Variants in THSD7B observed in about 807,000 individuals in gnomAD.
THSD7B encodes the protein thrombospondin type 1 domain containing 7B.
In THSD7B, 138 loss-of-function variants were observed where a neutral mutation model predicts 213.6. That is an observed-to-expected ratio of 0.65 (90% CI 0.56 to 0.74). THSD7B has a LOEUF of 0.74. THSD7B is among the 30% of genes least tolerant of loss of function. The probability of loss-of-function intolerance (pLI) is 0.00; values close to 1 mark genes in which losing one functional copy is unlikely to be tolerated. For synonymous variants in THSD7B, 742 were observed against 687.0 expected (o/e 1.08, Z -1.25); for missense variants, 1,931 against 1,991.5 (o/e 0.97, Z 0.58).
chr2:136,788,731 A>C (rs1443925409), intron 1 of THSD7B, among the ~76,000 whole-genome samples: 3 of 152,130 alleles, frequency 2.0e-5, no homozygotes, highest in Non-Finnish European at 4.4e-5. Context: ...TAAGCATCTA[A>C]ACCTGTGCGA....
At position 137,160,687 on chromosome 2, in the gene THSD7B, G is replaced by A. The variant is rs113068241; in HGVS notation, c.1525+319G>A. 2.7e-3 allele frequency among the ~76,000 whole-genome samples: 418 copies of A among 152,258 alleles called. 5 individuals are homozygous for A. Among genetic ancestry groups the A allele is most frequent in the African/African-American group, 9.7e-3 (404 of 41,544 alleles). ...CACCCAGGCTGGAGTGCAATGGCAC[G>A]ATCTTGGCTCACTGCAATCTCTGCC... On this transcript the variant is annotated intron_variant, in intron 6 of 27. Coordinates refer to ENST00000409968, the MANE Select transcript of THSD7B (RefSeq NM_001316349.2).
At chr2:137,199,074 G>A (rs903497931) in intron 7 of THSD7B, among the ~76,000 whole-genome samples, 10 of 152,146 alleles carry the variant, frequency 6.6e-5, no homozygotes, top group Admixed American at 6.6e-4. Flanking sequence ...TGTAGTCTTT[G>A]TGTGTGATCT....
At chr2:137,074,619 C>T (rs1269006089) in intron 3 of THSD7B, among the ~76,000 whole-genome samples, 1 of 152,124 alleles carries the variant, frequency 6.6e-6, no homozygotes, top group Admixed American at 6.5e-5. Context: ...TGAATTTGAT[C>T]CTGTCATTAT....
At position 137,481,592 on chromosome 2, in the gene THSD7B, T is replaced by A. The variant is rs144561140; in HGVS notation, c.3138+30569T>A. Among the ~76,000 whole-genome samples, 762 of 152,344 alleles carry A rather than the reference T, an allele frequency of 5.0e-3. 3 individuals are homozygous for A. Among genetic ancestry groups the A allele is most frequent in the Non-Finnish European group, 8.1e-3 (549 of 68,038 alleles). On this transcript the variant is annotated intron_variant, in intron 15 of 27. Transcript: ENST00000409968. ...ACCCCATGATCTTTGTAAGGATTAC[T>A]TAGCTCTGTTGTGATATTGCAAAAG...
intron 7 of THSD7B, among the ~76,000 whole-genome samples, chr2:137,225,969 A>G (rs772701223): frequency 6.6e-6 from 1 of 151,790 alleles, no homozygotes; most frequent in Non-Finnish European, 1.5e-5. Context: ...GTCTCAATCC[A>G]GAAGTGGCCA....
chr2:136,853,987 T>C (rs1346178819), intron 1 of THSD7B, among the ~76,000 whole-genome samples: 1 of 152,164 alleles, frequency 6.6e-6, no homozygotes, highest in Non-Finnish European at 1.5e-5. Flanking sequence ...CCACCCAATC[T>C]TTGAGTGTTT....
chr2:136,945,972 A>C (rs1228391931), intron 2 of THSD7B, among the ~76,000 whole-genome samples: 1 of 152,218 alleles, frequency 6.6e-6, no homozygotes, highest in East Asian at 1.9e-4. Flanking sequence ...CAGCTTGTCG[A>C]AGTCATTCTC....
chr2:136,866,906 CAT>C (rs1203780130), intron 1 of THSD7B, among the ~76,000 whole-genome samples: 1 of 151,438 alleles, frequency 6.6e-6, no homozygotes, highest in African/African-American at 2.4e-5. Flanking sequence ...ATCAATTTTC[CAT>C]ATGTGTTTGA....
intron 7 of THSD7B, among the ~76,000 whole-genome samples, chr2:137,185,884 A>G (rs961110134): frequency 1.9e-4 from 29 of 152,228 alleles, no homozygotes; most frequent in Middle Eastern, 6.8e-3. Flanking sequence ...CCTTTTCTCT[A>G]CGGCCTTGCC....
Position 137,676,610 on chromosome 2 carries a change from A to AAAAAG in THSD7B, c.*9_*13dup, listed in dbSNP as rs1225837030. On this transcript the variant is annotated 3_prime_UTR_variant, in exon 28 of 28. Coordinates refer to ENST00000409968, the MANE Select transcript of THSD7B (RefSeq NM_001316349.2). ...GATGGAGACTTAGACATGTAATCTG[A>AAAAAG]AAAAGAAATCCAAATGTAGACATCA... 1.3e-6 allele frequency: 2 copies of AAAAAG among 1,563,662 alleles called. No individual in the cohort carries two copies. Among genetic ancestry groups the AAAAAG allele is most frequent in the Non-Finnish European group, 1.7e-6 (2 of 1,158,760 alleles).
chr2:136,787,976 A>G (rs1324631645), intron 1 of THSD7B, among the ~76,000 whole-genome samples: 1 of 152,190 alleles, frequency 6.6e-6, no homozygotes, highest in Non-Finnish European at 1.5e-5. Context: ...AAAGCCTGTA[A>G]GACTTTCCTT....
chr2:137,033,669 G>C (rs1012049974), intron 2 of THSD7B, among the ~76,000 whole-genome samples: 32 of 152,138 alleles, frequency 2.1e-4, no homozygotes, highest in Non-Finnish European at 3.4e-4. Context: ...CTGGAGCGCA[G>C]TGGCACAATC....
In THSD7B at chr2:137,352,205, T is replaced by A. The variant is rs542945892; in HGVS notation, c.2501-53408T>A. On this transcript the variant is annotated intron_variant, in intron 12 of 27. Coordinates refer to ENST00000409968, the MANE Select transcript of THSD7B (RefSeq NM_001316349.2). ...GGGAAAAAGAGAGGAGATAAAAAAA[T>A]TTTCATGTAATTATAAATGAAGGAT... 4.0e-4 allele frequency among the ~76,000 whole-genome samples: 60 copies of A among 151,542 alleles called. No homozygotes were observed. The East Asian group carries it at 7.2e-3, about 18-fold the overall frequency.
At chr2:137,351,134 C>T (rs1685004506) in intron 12 of THSD7B, among the ~76,000 whole-genome samples, 1 of 151,748 alleles carries the variant, frequency 6.6e-6, no homozygotes, top group Non-Finnish European at 1.5e-5. Context: ...TAGAGAGGGA[C>T]AATGTCTAGT....
At chr2:137,193,798 T>A (rs938061570) in intron 7 of THSD7B, among the ~76,000 whole-genome samples, 5 of 151,844 alleles carry the variant, frequency 3.3e-5, no homozygotes, top group African/African-American at 1.2e-4. Flanking sequence ...ACAAAACTTC[T>A]GACCTGCATA....
intron 20 of THSD7B, among the ~76,000 whole-genome samples, chr2:137,625,946 G>T (rs996344923): frequency 6.6e-6 from 1 of 152,194 alleles, no homozygotes; most frequent in Admixed American, 6.5e-5. Context: ...ATATGGATGT[G>T]GATGCCCCTA....
intron 12 of THSD7B, among the ~76,000 whole-genome samples, chr2:137,277,141 G>A (rs10178352): frequency 0.27 from 41,007 of 151,888 alleles, 5,821 homozygotes; most frequent in South Asian, 0.46. Context: ...CCAACTTTAT[G>A]TAGTGTACAG....
At chr2:136,867,826 T>C (rs1683368330) in intron 1 of THSD7B, among the ~76,000 whole-genome samples, 1 of 152,210 alleles carries the variant, frequency 6.6e-6, no homozygotes, top group African/African-American at 2.4e-5. Context: ...AATTGCTCCT[T>C]GAAATTTTTG....
intron 15 of THSD7B, among the ~76,000 whole-genome samples, chr2:137,540,772 A>G (rs906175657): frequency 2.6e-5 from 4 of 151,734 alleles, no homozygotes; most frequent in Non-Finnish European, 4.4e-5. Flanking sequence ...GATGGTATAT[A>G]ACAGTTAGGG....
Sources: gnomAD v4.1 joint callset for allele counts (sites outside exome capture counted in the v4.1 genomes callset) on GRCh38, gnomAD v4.1.1 for gene constraint, MANE v1.5 for transcripts, NCBI Gene and HGNC (gene_info 2026-07-23, HGNC 2026-07-21) for gene names.